Variants in BACH2 observed in about 807,000 individuals in gnomAD.
BACH2 encodes the protein transcription regulator protein BACH2.
Under a neutral mutation model 61.8 loss-of-function variants are expected in BACH2, and 5 were observed. That is an observed-to-expected ratio of 0.08 (90% CI 0.04 to 0.17). BACH2 has a LOEUF of 0.17. BACH2 is among the 10% of genes least tolerant of loss of function. BACH2 has a pLI of 1.00. For synonymous variants in BACH2, 446 were observed against 440.1 expected, an observed-to-expected ratio of 1.01 and a Z score of -0.17; for missense variants, 824 against 1,091.1, an observed-to-expected ratio of 0.76 and a Z score of 3.45.
intron 1 of BACH2, among the ~76,000 whole-genome samples, chr6:90,272,765 C>A (rs1771567431): frequency 6.6e-6 from 1 of 152,124 alleles, no homozygotes; most frequent in South Asian, 2.1e-4. Flanking sequence ...TTACACTGAC[C>A]AGATCCTGCT....
rs1774062248 is a variant in BACH2 at position 89,951,001 on chromosome 6, C to G, written c.1105G>C (p.Ala369Pro). The part of the protein sequence containing the change: ...TSQQHFARSP[A>P]CPFDKGITQG... ...GTGATCCCCTTGTCAAAAGGGCAGG[C>G]TGGACTCCTGGCAAAGTGCTGCTGA... The change falls in exon 7 of 9, where the codon GCC becomes CCC. Residue 369 changes from alanine (A) to proline (P), a missense_variant. By Grantham distance (27) the Ala-to-Pro change is conservative. Transcript: ENST00000257749. This position sits in a 1 kb window ranked among gnomAD's most constrained non-coding sequence, Gnocchi z 6.4. 1.9e-6 allele frequency: 3 copies of G among 1,587,084 alleles called. No homozygotes were observed. The highest frequency in any genetic ancestry group is 1.7e-6 in the Non-Finnish European group (2 of 1,167,574).
chr6:90,057,211 T>C (rs1446218927), intron 5 of BACH2, among the ~76,000 whole-genome samples: 1 of 152,014 alleles, frequency 6.6e-6, no homozygotes, highest in African/African-American at 2.4e-5. Context: ...ATCAACAACA[T>C]TGATAGACTG....
At chr6:90,049,239 C>T (rs1217040469) in intron 5 of BACH2, among the ~76,000 whole-genome samples, 1 of 152,088 alleles carries the variant, frequency 6.6e-6, no homozygotes, top group Admixed American at 6.5e-5. Context: ...ATTCTTAGGT[C>T]TTATATTCTA....
intron 4 of BACH2, among the ~76,000 whole-genome samples, chr6:90,190,836 A>G (rs1768544147): frequency 6.6e-6 from 1 of 152,266 alleles, no homozygotes. Flanking sequence ...ACTCTGATCT[A>G]ATTCCACTGC....
At chr6:89,977,117 G>A (rs1775693916) in intron 6 of BACH2, among the ~76,000 whole-genome samples, 1 of 152,096 alleles carries the variant, frequency 6.6e-6, no homozygotes, top group Non-Finnish European at 1.5e-5. Flanking sequence ...CTATCTGCTA[G>A]GATATACAAT....
chr6:90,161,995 G>A (rs1211396370), intron 4 of BACH2, among the ~76,000 whole-genome samples: 3 of 152,126 alleles, frequency 2.0e-5, no homozygotes, highest in African/African-American at 7.2e-5. Context: ...TTCAGACTGA[G>A]CAGGAGTTCC....
intron 2 of BACH2, among the ~76,000 whole-genome samples, chr6:90,262,392 T>A (rs1771188874): frequency 6.6e-6 from 1 of 152,128 alleles, no homozygotes; most frequent in Non-Finnish European, 1.5e-5. Flanking sequence ...CCCCTTCCCA[T>A]CCCCACGCCC....
intron 2 of BACH2, among the ~76,000 whole-genome samples, chr6:90,265,347 G>C (rs370886835): frequency 5.3e-5 from 8 of 152,336 alleles, no homozygotes; most frequent in African/African-American, 1.7e-4. Flanking sequence ...AAACCACTTT[G>C]GAGGGCAAGA....
At chr6:90,137,697 C>T (rs971897252) in intron 4 of BACH2, among the ~76,000 whole-genome samples, 9 of 152,142 alleles carry the variant, frequency 5.9e-5, no homozygotes, top group African/African-American at 9.7e-5. Flanking sequence ...GTGGCTTTTA[C>T]GGAGAACAGT....
rs561120592 is a variant in BACH2, at chr6:89,929,627, G to A, written c.*2781C>T. ...GGAAGAGGAAGAAAAGCAAGGCAGG[G>A]GTGGGTGGGAGGAAGGTGAGGTCTG... On this transcript the variant is annotated 3_prime_UTR_variant, in exon 9 of 9. Transcript: ENST00000257749. The A allele has an allele frequency of 6.6e-6, 1 of 152,372 alleles. No individual in the cohort carries two copies. Among genetic ancestry groups the A allele is most frequent in the Non-Finnish European group, 1.5e-5 (1 of 68,054 alleles). The allele number at this position is 152,372 out of a possible 1,614,324, so 9.4% of individuals were successfully genotyped here. A position where few individuals can be genotyped will look rare whatever the true frequency, so the allele number is the denominator to read the frequency against.
intron 4 of BACH2, among the ~76,000 whole-genome samples, chr6:90,202,884 T>A (rs1278586917): frequency 1.3e-5 from 2 of 152,184 alleles, no homozygotes; most frequent in African/African-American, 2.4e-5. Flanking sequence ...ACGTACACCA[T>A]CCTGCACAAT....
At chr6:90,029,713 A>C (rs12662612) in intron 5 of BACH2, among the ~76,000 whole-genome samples, 46,264 of 152,004 alleles carry the variant, frequency 0.3, 7,140 homozygotes, top group Non-Finnish European at 0.32. Context: ...TCCATATGTC[A>C]CTTCTGTTTC....
chr6:89,973,887 T>C (rs1320000325), intron 6 of BACH2, among the ~76,000 whole-genome samples: 1 of 152,124 alleles, frequency 6.6e-6, no homozygotes. Flanking sequence ...AGAAAAATGA[T>C]GAAAATTTAT....
chr6:90,256,602 A>T (rs2127873113), intron 2 of BACH2, among the ~76,000 whole-genome samples: 1 of 152,328 alleles, frequency 6.6e-6, no homozygotes, highest in African/African-American at 2.4e-5. Flanking sequence ...AATGTTGAGA[A>T]GTTATCTTGT....
At chr6:90,154,418 G>T (rs1253443653) in intron 4 of BACH2, among the ~76,000 whole-genome samples, 1 of 152,192 alleles carries the variant, frequency 6.6e-6, no homozygotes, top group Non-Finnish European at 1.5e-5. Context: ...AATTTTGAAG[G>T]TCATTTGAAG....
At chr6:90,159,791 C>T (rs1262970657) in intron 4 of BACH2, among the ~76,000 whole-genome samples, 1 of 152,066 alleles carries the variant, frequency 6.6e-6, no homozygotes, top group African/African-American at 2.4e-5. Context: ...GGGAAAGAGG[C>T]GGATACAGGC....
intron 5 of BACH2, among the ~76,000 whole-genome samples, chr6:90,056,696 C>T (rs1306276100): frequency 1.3e-5 from 2 of 151,990 alleles, no homozygotes; most frequent in Admixed American, 6.6e-5. Flanking sequence ...ACCACACCTA[C>T]TCCAAAATTG....
intron 4 of BACH2, among the ~76,000 whole-genome samples, chr6:90,169,511 T>C (rs953890499): frequency 1.3e-5 from 2 of 152,156 alleles, no homozygotes; most frequent in South Asian, 2.1e-4. Flanking sequence ...TTCCTGCGGG[T>C]AGCCACTACA....
At chr6:90,161,644 T>C (rs1347904278) in intron 4 of BACH2, among the ~76,000 whole-genome samples, 1 of 152,190 alleles carries the variant, frequency 6.6e-6, no homozygotes, top group Non-Finnish European at 1.5e-5. Flanking sequence ...CCAATCAAGT[T>C]AAATCTAGGT....
Sources: allele counts gnomAD v4.1 joint callset (sites outside exome capture counted in the v4.1 genomes callset), GRCh38; gene constraint gnomAD v4.1.1; non-coding constraint Gnocchi (gnomAD v3.1); transcripts MANE v1.5; gene names NCBI Gene and HGNC (gene_info 2026-07-23, HGNC 2026-07-21).